The following WDFY4 variants were observed in gnomAD, a reference collection of about 807,000 sequenced individuals.
WDFY4 encodes WD repeat- and FYVE domain-containing protein 4.
In WDFY4, 169 loss-of-function variants were observed where a neutral mutation model predicts 351.9. The observed-to-expected ratio is 0.48, with a 90% confidence interval of 0.42 to 0.55. WDFY4 has a LOEUF of 0.55. Ranked by LOEUF, WDFY4 falls within the 20% of genes least tolerant of loss-of-function variation. WDFY4 has a pLI of 0.00. For missense variants in WDFY4, 3,803 were observed against 3,935.6 expected, an observed-to-expected ratio of 0.97 and a Z score of 0.90; for synonymous variants, 1,622 against 1,574.6, an observed-to-expected ratio of 1.03 and a Z score of -0.71.
At chr10:48,889,852 G>C (rs536770963) in intron 43 of WDFY4, among the ~76,000 whole-genome samples, 1 of 152,340 alleles carries the variant, frequency 6.6e-6, no homozygotes, top group African/African-American at 2.4e-5. Context: ...GTTTGGGATG[G>C]TTGTTTAGAG....
chr10:48,757,738 A>C (rs528556809), intron 12 of WDFY4, among the ~76,000 whole-genome samples: 52 of 151,326 alleles, frequency 3.4e-4, no homozygotes, highest in Non-Finnish European at 6.5e-4. Flanking sequence ...TATCTACTGA[A>C]TTTTTTGACT....
chr10:48,865,854 A>C (rs887938895), intron 39 of WDFY4, among the ~76,000 whole-genome samples: 2 of 152,044 alleles, frequency 1.3e-5, no homozygotes, highest in African/African-American at 4.8e-5. Flanking sequence ...AAGCTATTTA[A>C]TTTATTGGCA....
chr10:48,905,590 G>T (rs551021128), intron 47 of WDFY4, among the ~76,000 whole-genome samples: 1 of 152,322 alleles, frequency 6.6e-6, no homozygotes, highest in African/African-American at 2.4e-5. Flanking sequence ...ACAGCTCCAG[G>T]TTGGAGACCC....
At chr10:48,882,172 G>A (rs369855606) in intron 43 of WDFY4, among the ~76,000 whole-genome samples, 33 of 152,130 alleles carry the variant, frequency 2.2e-4, no homozygotes, top group African/African-American at 7.7e-4. Flanking sequence ...CAGCTTGAGG[G>A]AGGGCATGCC....
At chr10:48,756,621 G>A (rs2065345721) in intron 12 of WDFY4, among the ~76,000 whole-genome samples, 1 of 151,960 alleles carries the variant, frequency 6.6e-6, no homozygotes, top group South Asian at 2.1e-4. Flanking sequence ...CCCATTGTTA[G>A]GTTATAAACA....
chr10:48,977,868 T>C (rs1286153125), intron 59 of WDFY4, among the ~76,000 whole-genome samples: 1 of 152,226 alleles, frequency 6.6e-6, no homozygotes, highest in Non-Finnish European at 1.5e-5. Context: ...TTGAGTGAGT[T>C]GGCCTCAGGG....
chr10:48,901,020 C>T (rs1837324362), intron 46 of WDFY4, among the ~76,000 whole-genome samples: 2 of 152,120 alleles, frequency 1.3e-5, no homozygotes, highest in Admixed American at 6.5e-5. Context: ...GATTTGATAT[C>T]CCCTGGCCAA....
intron 39 of WDFY4, among the ~76,000 whole-genome samples, chr10:48,836,902 C>T (rs116003844): frequency 0.011 from 1,609 of 152,230 alleles, 27 homozygotes; most frequent in African/African-American, 0.037. Context: ...CTCTTCACAG[C>T]CGTGGATTCA....
chr10:48,778,561 GCTCA>G, intron 17 of WDFY4, 46 bp from the exon 18 acceptor site: 1 of 1,524,042 alleles, frequency 6.6e-7, no homozygotes, highest in Non-Finnish European at 8.9e-7. Flanking sequence ...GAACATGCAT[GCTCA>G]GCAGGGCAGA....
chr10:48,795,598 G>T (rs1187909783), intron 23 of WDFY4, among the ~76,000 whole-genome samples: 1 of 150,066 alleles, frequency 6.7e-6, no homozygotes, highest in African/African-American at 2.5e-5. Context: ...GGCTTCCGAA[G>T]GGCACGTTGC....
chr10:48,858,072 A>T (rs2069201767), intron 39 of WDFY4, among the ~76,000 whole-genome samples: 1 of 152,042 alleles, frequency 6.6e-6, no homozygotes, highest in South Asian at 2.1e-4. Context: ...GAGATTACAG[A>T]TGTGAGCCAC....
intron 39 of WDFY4, among the ~76,000 whole-genome samples, chr10:48,865,908 C>T (rs1397376627): frequency 6.6e-6 from 1 of 152,108 alleles, no homozygotes; most frequent in East Asian, 1.9e-4. Context: ...TGAAAAAATT[C>T]AGTAAGGTCA....
chr10:48,805,624 G>A (rs1434836746), intron 26 of WDFY4, among the ~76,000 whole-genome samples: 1 of 152,216 alleles, frequency 6.6e-6, no homozygotes, highest in Non-Finnish European at 1.5e-5. Flanking sequence ...GCAGGGCTGT[G>A]TGTTTACTGT....
Position 48,787,890 on chromosome 10 carries a change from T to C in WDFY4, c.3809-640T>C, listed in dbSNP as rs1004955063. ...TTCTTTCTTCTTTCTTTCTTCTTCT[T>C]CTCCTTCTTCTTCTTCTTCTTCTTC... On this transcript the variant is annotated intron_variant, in intron 20 of 61. Coordinates refer to ENST00000325239, the MANE Select transcript of WDFY4 (RefSeq NM_001394531.1). Among the ~76,000 whole-genome samples the C allele has an allele frequency of 3.6e-4, 26 of 72,796 alleles. 1 individual carries two copies. The highest frequency in any genetic ancestry group is 2.1e-3 in the African/African-American group (22 of 10,278). The allele number at this position is 72,796 out of a possible 152,430, so 47.8% of individuals were successfully genotyped here. A position where few individuals can be genotyped will look rare whatever the true frequency, so the allele number is the denominator to read the frequency against.
chr10:48,710,621 C>T (rs1434851683), intron 2 of WDFY4, among the ~76,000 whole-genome samples: 1 of 152,202 alleles, frequency 6.6e-6, no homozygotes, highest in Non-Finnish European at 1.5e-5. Flanking sequence ...ATGGTATGTC[C>T]TGACACAAGA....
intron 31 of WDFY4, 47 bp downstream of exon 31, chr10:48,814,129 AG>A (rs1394415651): frequency 3.4e-6 from 5 of 1,476,944 alleles, no homozygotes; most frequent in Non-Finnish European, 4.5e-6. Context: ...TCTGATGGGA[AG>A]GCCAGTTTGG....
intron 12 of WDFY4, among the ~76,000 whole-genome samples, chr10:48,756,329 T>G (rs1366816760): frequency 1.3e-5 from 2 of 152,066 alleles, no homozygotes; most frequent in Non-Finnish European, 1.5e-5. Flanking sequence ...ATTCTAGTAT[T>G]TAGGAATATG....
intron 43 of WDFY4, among the ~76,000 whole-genome samples, chr10:48,881,804 C>A (rs780348721): frequency 2.6e-5 from 4 of 152,148 alleles, no homozygotes; most frequent in Non-Finnish European, 5.9e-5. Flanking sequence ...TCCACACAGT[C>A]CCATGCCCAT....
At chr10:48,803,405 T>G (rs955919632) in intron 25 of WDFY4, 46 bp downstream of exon 25, 18 of 1,538,748 alleles carry the variant, frequency 1.2e-5, no homozygotes, top group Non-Finnish European at 1.5e-5. Context: ...GAAGGCTGAA[T>G]GTCCAGAACA....
Sources: allele counts gnomAD v4.1 joint callset (sites outside exome capture counted in the v4.1 genomes callset), GRCh38; gene constraint gnomAD v4.1.1; transcripts MANE v1.5; gene names NCBI Gene and HGNC (gene_info 2026-07-23, HGNC 2026-07-21).